ENKUR: variants seen among roughly 807,000 people sequenced by gnomAD.
The protein encoded by ENKUR is enkurin, TRPC channel interacting protein.
In ENKUR, 19 loss-of-function variants were observed where a neutral mutation model predicts 27.6. That is an observed-to-expected ratio of 0.69 (90% CI 0.48 to 1.01). The LOEUF is 1.01. Among genes scored for constraint, ENKUR ranks in the 50% least tolerant of loss-of-function variants. The pLI is 0.00. For synonymous variants in ENKUR, 117 were observed against 96.9 expected (o/e 1.21, Z -1.22); for missense variants, 312 against 310.5 (o/e 1.00, Z -0.04).
At chr10:25,049,618 T>C (rs2130483743) in intron 2 of ENKUR, among the ~76,000 whole-genome samples, 1 of 152,112 alleles carries the variant, frequency 6.6e-6, no homozygotes, top group Non-Finnish European at 1.5e-5. Context: ...TGAACCCTCA[T>C]CTCTACTAAA....
chr10:24,985,221 C>A (rs916755487), intron 4 of ENKUR, among the ~76,000 whole-genome samples: 1 of 152,104 alleles, frequency 6.6e-6, no homozygotes, highest in African/African-American at 2.4e-5. Context: ...AAGCTCACAG[C>A]AAATGCATGG....
At chr10:25,024,198 A>G (rs1415279607) in intron 2 of ENKUR, 1 of 1,614,120 alleles carries the variant, frequency 6.2e-7, no homozygotes, top group Non-Finnish European at 8.5e-7. Context: ...TTGCCTGCTC[A>G]AAAATTGCTC....
upstream of ENKUR, among the ~76,000 whole-genome samples, chr10:25,017,291 C>T (rs1333042055): frequency 6.6e-6 from 1 of 152,164 alleles, no homozygotes; most frequent in Non-Finnish European, 1.5e-5. Flanking sequence ...TAAATCTATG[C>T]ACATGGGCCT....
chr10:25,026,991 ATTTACT>A (rs757787060), intron 2 of ENKUR, among the ~76,000 whole-genome samples: 6 of 152,216 alleles, frequency 3.9e-5, no homozygotes, highest in Admixed American at 6.5e-5. Context: ...TTATTTTATC[ATTTACT>A]TTTAAGGATA....
In ENKUR at chr10:25,025,127, C is replaced by A. The variant is rs372900675; in HGVS notation, c.38-29258G>T. ...GCTATTAACTCCACCTATAATACTT[C>A]AGGGTATATTTTGGATCCACACACT... On this transcript the variant is annotated intron_variant, in intron 2 of 5. Coordinates refer to the ENKUR transcript ENST00000615958. 3.1e-6 allele frequency: 5 copies of A among 1,613,906 alleles called. No homozygotes were observed. The African/African-American group carries it at 4.0e-5, about 13-fold the overall frequency.
At chr10:25,014,200 T>C (rs1237452297) in intron 1 of ENKUR, among the ~76,000 whole-genome samples, 1 of 152,156 alleles carries the variant, frequency 6.6e-6, no homozygotes, top group African/African-American at 2.4e-5. Context: ...TGATAAATTT[T>C]AGTGTTCATA....
intron 2 of ENKUR, among the ~76,000 whole-genome samples, chr10:25,032,321 G>C (rs188246486): frequency 6.0e-4 from 89 of 149,492 alleles, no homozygotes; most frequent in African/African-American, 2.1e-3. Context: ...AGAAGGGGGG[G>C]GGGCTATGAT....
intron 1 of ENKUR, among the ~76,000 whole-genome samples, chr10:25,000,284 A>G (rs1850157004): frequency 6.6e-6 from 1 of 152,136 alleles, no homozygotes; most frequent in East Asian, 1.9e-4. Flanking sequence ...ACTTGAAAAG[A>G]AAGTATGTTG....
intron 1 of ENKUR, among the ~76,000 whole-genome samples, chr10:25,011,029 C>G (rs1482074101): frequency 6.7e-5 from 10 of 149,378 alleles, no homozygotes; most frequent in Non-Finnish European, 1.4e-4. Flanking sequence ...CACTGACTTC[C>G]ACAATGGTTG....
At chr10:25,029,854 T>C (rs979393158) in intron 2 of ENKUR, among the ~76,000 whole-genome samples, 1 of 152,228 alleles carries the variant, frequency 6.6e-6, no homozygotes, top group Admixed American at 6.5e-5. Context: ...ATAACTGATA[T>C]CTGGCAATAC....
intron 1 of ENKUR, among the ~76,000 whole-genome samples, chr10:25,009,091 C>CA (rs1227276283): frequency 2.6e-5 from 4 of 152,096 alleles, no homozygotes; most frequent in Admixed American, 6.6e-5. Context: ...GAACATCACA[C>CA]ACCGGGGACT....
intron 4 of ENKUR, 27 bp downstream of exon 4, chr10:24,990,436 G>A: frequency 6.3e-7 from 1 of 1,594,796 alleles, no homozygotes; most frequent in Non-Finnish European, 8.5e-7. Flanking sequence ...AAGAGTTACA[G>A]ATGAATGTAA....
Position 25,024,965 on chromosome 10 carries a change from A to G in ENKUR, c.38-29096T>C. The G allele has an allele frequency of 5.0e-6, 8 of 1,614,178 alleles. No homozygotes were observed. Among genetic ancestry groups the G allele is most frequent in the Non-Finnish European group, 6.8e-6 (8 of 1,180,038 alleles). On this transcript the variant is annotated intron_variant, in intron 2 of 5. Coordinates refer to the ENKUR transcript ENST00000615958. ...GAACGACATTTACACTTGATGGCTA[A>G]TAAAGATGGACAGCTAATGACAGAA...
upstream of ENKUR, among the ~76,000 whole-genome samples, chr10:25,020,316 T>G (rs1271558015): frequency 6.8e-6 from 1 of 146,762 alleles, no homozygotes; most frequent in Non-Finnish European, 1.5e-5. Flanking sequence ...GGAAGTGAAG[T>G]AAAATTTAAA....
chr10:25,038,365 C>T (rs1372494995), intron 2 of ENKUR, among the ~76,000 whole-genome samples: 2 of 152,168 alleles, frequency 1.3e-5, no homozygotes, highest in East Asian at 1.9e-4. Context: ...GCCTGTCTGT[C>T]GTATCTCCAC....
intron 2 of ENKUR, among the ~76,000 whole-genome samples, chr10:25,054,288 G>T (rs1373056799): frequency 1.3e-5 from 2 of 152,162 alleles, no homozygotes; most frequent in Non-Finnish European, 2.9e-5. Flanking sequence ...TGGGCGTGGT[G>T]GTGGATGCCT....
chr10:25,043,897 T>C (rs1851092825), intron 2 of ENKUR, among the ~76,000 whole-genome samples: 1 of 151,802 alleles, frequency 6.6e-6, no homozygotes, highest in Non-Finnish European at 1.5e-5. Context: ...GATATTCTTT[T>C]TTTTTTTTTT....
chr10:25,024,661 G>A (rs1343615567), intron 2 of ENKUR: 1 of 1,614,200 alleles, frequency 6.2e-7, no homozygotes, highest in Admixed American at 1.7e-5. Context: ...ACTTCCGCAG[G>A]TAGTTTATCA....
intron 1 of ENKUR, among the ~76,000 whole-genome samples, chr10:25,007,415 C>CTTAT (rs201070755): frequency 5.3e-5 from 8 of 151,928 alleles, no homozygotes; most frequent in Admixed American, 2.0e-4. Flanking sequence ...GTATAGGTTT[C>CTTAT]TTATTTATTT....
Sources: allele counts gnomAD v4.1 joint callset (sites outside exome capture counted in the v4.1 genomes callset), GRCh38; gene constraint gnomAD v4.1.1; transcripts MANE v1.5; gene names NCBI Gene and HGNC (gene_info 2026-07-23, HGNC 2026-07-21).